Variants in FBXO34 observed in about 807,000 individuals in gnomAD.
The protein encoded by FBXO34 is F-box only protein 34.
A neutral mutation model predicts 24.5 loss-of-function variants in FBXO34; 12 were observed. The observed-to-expected ratio is 0.49, with a 90% CI of 0.31 to 0.79. The LOEUF (loss-of-function observed/expected upper bound fraction) is 0.79. FBXO34 is among the 30% of genes least tolerant of loss of function. FBXO34 has a pLI of 0.04. For synonymous variants in FBXO34, 320 were observed against 311.9 expected (o/e 1.03, Z -0.27); for missense variants, 823 against 857.7 (o/e 0.96, Z 0.51).
the FBXO34 span, chr14:55,428,869 G>T: frequency 6.2e-7 from 1 of 1,614,140 alleles, no homozygotes; most frequent in Non-Finnish European, 8.5e-7. Flanking sequence ...TCACATCACA[G>T]CTTCCAACCA....
the FBXO34 span, among the ~76,000 whole-genome samples, chr14:55,393,539 T>C: frequency 6.6e-6 from 1 of 151,422 alleles, no homozygotes; most frequent in Non-Finnish European, 1.5e-5. Context: ...TTAATGTGTA[T>C]CTTTTCAGAT....
At chr14:55,363,438 C>A (rs1203635189), downstream of FBXO34, among the ~76,000 whole-genome samples, 2 of 152,102 alleles carry the variant, frequency 1.3e-5, no homozygotes, top group African/African-American at 4.8e-5. Flanking sequence ...CATGATCTTT[C>A]CACCTCAGCT....
chr14:55,395,177 C>T, the FBXO34 span: 6 of 444,496 alleles, frequency 1.3e-5, no homozygotes, highest in Non-Finnish European at 2.8e-5. Flanking sequence ...GTGCCGATCT[C>T]CTCTTGGGCT....
chr14:55,324,091 C>G (rs530258329), intron 1 of FBXO34, among the ~76,000 whole-genome samples: 1 of 152,144 alleles, frequency 6.6e-6, no homozygotes, highest in East Asian at 1.9e-4. Context: ...CCTGCATTCC[C>G]TCCTCCCCCC....
the FBXO34 span, among the ~76,000 whole-genome samples, chr14:55,407,648 T>C: frequency 6.6e-6 from 1 of 152,230 alleles, no homozygotes; most frequent in Non-Finnish European, 1.5e-5. Context: ...GCTGCTGGGC[T>C]GGTGATCTGA....
intron 1 of FBXO34, among the ~76,000 whole-genome samples, chr14:55,332,864 G>C (rs1594756891): frequency 6.6e-6 from 1 of 152,312 alleles, no homozygotes; most frequent in East Asian, 1.9e-4. Flanking sequence ...ACGAGGCACT[G>C]TTTGTGGTGA....
chr14:55,427,006 C>A, the FBXO34 span, among the ~76,000 whole-genome samples: 1 of 152,196 alleles, frequency 6.6e-6, no homozygotes, highest in Admixed American at 6.5e-5. Context: ...TAGACACAAC[C>A]TTAGAGTTCG....
chr14:55,440,133 C>T, the FBXO34 span, among the ~76,000 whole-genome samples: 7 of 151,010 alleles, frequency 4.6e-5, no homozygotes, highest in Non-Finnish European at 7.4e-5. Flanking sequence ...AATCAAAAAC[C>T]AGAACAACCT....
the FBXO34 span, among the ~76,000 whole-genome samples, chr14:55,430,102 G>A: frequency 1.3e-5 from 2 of 152,114 alleles, no homozygotes; most frequent in African/African-American, 4.8e-5. Context: ...AGTCCTGAGA[G>A]GTGAGGCTTC....
chr14:55,319,813 C>T (rs1275615703), intron 1 of FBXO34, among the ~76,000 whole-genome samples: 1 of 152,116 alleles, frequency 6.6e-6, no homozygotes. Context: ...GTAGCTGGGA[C>T]TATGGGTGCC....
the FBXO34 span, chr14:55,394,840 C>G: frequency 3.2e-6 from 1 of 310,328 alleles, no homozygotes; most frequent in Admixed American, 4.2e-5. Flanking sequence ...CCCCCAACTA[C>G]GGAATGCTAA....
At chr14:55,342,611 A>T (rs1884027646) in intron 1 of FBXO34, among the ~76,000 whole-genome samples, 1 of 152,126 alleles carries the variant, frequency 6.6e-6, no homozygotes, top group African/African-American at 2.4e-5. Context: ...GCTTAGAGAC[A>T]TGGAGGGGGA....
chr14:55,435,775 T>C, the FBXO34 span: 26 of 1,127,052 alleles, frequency 2.3e-5, no homozygotes, highest in South Asian at 4.4e-5. Flanking sequence ...AATTAGTCAA[T>C]ATCATGATCA....
intron 1 of FBXO34, among the ~76,000 whole-genome samples, chr14:55,288,481 G>T (rs1459790525): frequency 6.6e-6 from 1 of 152,098 alleles, no homozygotes; most frequent in African/African-American, 2.4e-5. Flanking sequence ...CATGAAAAAG[G>T]CAAGAGTTTA....
At chr14:55,337,827 A>G (rs1360649937) in intron 1 of FBXO34, among the ~76,000 whole-genome samples, 1 of 152,070 alleles carries the variant, frequency 6.6e-6, no homozygotes, top group Non-Finnish European at 1.5e-5. Context: ...CTTATACTCC[A>G]CTTACCACTT....
At position 55,296,382 on chromosome 14, in the gene FBXO34, G is replaced by GTTTTTT. The variant is rs1285557004; in HGVS notation, c.-11+24848_-11+24853dup. On this transcript the variant is annotated intron_variant, in intron 1 of 1. Coordinates refer to ENST00000313833, the MANE Select transcript of FBXO34 (RefSeq NM_017943.4). ...AGTGGGTAGGTTTTGCTGTTCTTGT[G>GTTTTTT]TTTTTTTTGTTTTTTTTTTTTTTTT... is the stretch of plus-strand genomic sequence containing the variant. 5.8e-3 allele frequency among the ~76,000 whole-genome samples: 551 copies of GTTTTTT among 95,714 alleles called. 59 individuals carry two copies. The highest frequency in any genetic ancestry group is 0.012 in the Middle Eastern group (2 of 172). The allele number at this position is 95,714 out of a possible 152,430, so 62.8% of individuals were successfully genotyped here.
chr14:55,397,096 T>C, the FBXO34 span, among the ~76,000 whole-genome samples: 1 of 152,212 alleles, frequency 6.6e-6, no homozygotes, highest in African/African-American at 2.4e-5. Context: ...TCATGCTGAC[T>C]GTCCTGGACC....
intron 1 of FBXO34, among the ~76,000 whole-genome samples, chr14:55,327,599 GT>G (rs1253435997): frequency 2.0e-5 from 3 of 152,150 alleles, no homozygotes; most frequent in African/African-American, 7.2e-5. Context: ...AAATGTTGCT[GT>G]TTACTAAAAT....
the FBXO34 span, chr14:55,397,287 G>T: frequency 1.7e-6 from 2 of 1,145,358 alleles, no homozygotes; most frequent in Non-Finnish European, 2.6e-6. Flanking sequence ...TTAGCAATCC[G>T]TATATCTGCA....
Sources: allele counts gnomAD v4.1 joint callset (sites outside exome capture counted in the v4.1 genomes callset), GRCh38; gene constraint gnomAD v4.1.1; transcripts MANE v1.5; gene names NCBI Gene and HGNC (gene_info 2026-07-23, HGNC 2026-07-21).